C12orf42: variants seen among roughly 807,000 people sequenced by gnomAD.
C12orf42 encodes the protein uncharacterized protein C12orf42.
In C12orf42, 25 loss-of-function variants were observed where a neutral mutation model predicts 21.6. That is an observed-to-expected ratio of 1.16 (90% CI 0.84 to 1.62). The LOEUF (loss-of-function observed/expected upper bound fraction) is 1.62. Ranked by LOEUF, C12orf42 falls within the 40% of genes most tolerant of loss-of-function variation. The pLI is 0.00. For missense variants in C12orf42, 483 were observed against 459.3 expected (o/e 1.05, Z -0.47); for synonymous variants, 174 against 175.0 (o/e 0.99, Z 0.05).
intron 4 of C12orf42, among the ~76,000 whole-genome samples, chr12:103,361,463 A>C (rs1409987447): frequency 6.6e-6 from 1 of 152,058 alleles, no homozygotes; most frequent in African/African-American, 2.4e-5. Flanking sequence ...AAAAGACCAC[A>C]GGGAGAAGGA....
the C12orf42 span, chr12:103,505,575 G>A: frequency 2.9e-6 from 1 of 342,970 alleles, no homozygotes; most frequent in Non-Finnish European, 5.4e-6. Flanking sequence ...TGAGTCACTG[G>A]GACATGGTGG....
chr12:103,182,098 G>T, the C12orf42 span, among the ~76,000 whole-genome samples: 2 of 148,522 alleles, frequency 1.3e-5, no homozygotes. Flanking sequence ...TGGACACTGA[G>T]AATTACACGG....
the C12orf42 span, among the ~76,000 whole-genome samples, chr12:103,516,852 G>A: frequency 6.6e-6 from 1 of 152,144 alleles, no homozygotes; most frequent in Non-Finnish European, 1.5e-5. Flanking sequence ...ATAGTTATTG[G>A]TATCACACAA....
rs189048038 is a variant in C12orf42, at chr12:103,433,531, G to T, written c.79-31856C>A. ...CTAACAATTGTACCAGTATCTAATT[G>T]AATCTGTAGATCTAACTACCCATTT... On this transcript the variant is annotated intron_variant, in intron 2 of 5. Coordinates refer to ENST00000548883, the MANE Select transcript of C12orf42 (RefSeq NM_198521.5). Among the ~76,000 whole-genome samples, 94 of 152,244 alleles carry T rather than the reference G, an allele frequency of 6.2e-4. 2 individuals are homozygous for T. Among genetic ancestry groups the T allele is most frequent in the Admixed American group, 6.1e-3 (93 of 15,294 alleles).
rs9705892 is a variant in C12orf42 at position 103,312,608 on chromosome 12, C to T, written c.260-6263G>A. ...CTTCCTCAGGCTACTGAGGCAAGGGCACAACTTTTCCCAACTACTGATACA... is the reference window on the plus strand; with the variant it reads ...CTTCCTCAGGCTACTGAGGCAAGGGTACAACTTTTCCCAACTACTGATACA... On this transcript the variant is annotated intron_variant, in intron 4 of 5. Coordinates refer to ENST00000548883, the MANE Select transcript of C12orf42 (RefSeq NM_198521.5). Among the ~76,000 whole-genome samples, 183 of 152,292 alleles carry T rather than the reference C, an allele frequency of 1.2e-3. 1 individual carries two copies. The highest frequency in any genetic ancestry group is 4.3e-3 in the African/African-American group (178 of 41,544).
At chr12:103,110,571 G>C in the C12orf42 span, among the ~76,000 whole-genome samples, 1 of 152,104 alleles carries the variant, frequency 6.6e-6, no homozygotes, top group Non-Finnish European at 1.5e-5. Context: ...AGTTTGATAT[G>C]TTACTTTCTG....
chr12:103,294,754 G>T (rs1358508929), intron 4 of C12orf42, among the ~76,000 whole-genome samples: 1 of 152,166 alleles, frequency 6.6e-6, no homozygotes, highest in East Asian at 1.9e-4. Flanking sequence ...TACACCTTAA[G>T]AATTCTGCAG....
intron 2 of C12orf42, among the ~76,000 whole-genome samples, chr12:103,417,771 G>T (rs181708414): frequency 1.4e-3 from 217 of 152,316 alleles, no homozygotes; most frequent in African/African-American, 4.8e-3. Context: ...ATGCAGAAAT[G>T]GATAGGATAA....
At chr12:103,107,935 G>A in the C12orf42 span, among the ~76,000 whole-genome samples, 2 of 151,210 alleles carry the variant, frequency 1.3e-5, no homozygotes, top group East Asian at 1.9e-4. Flanking sequence ...AGTATTAAGT[G>A]ATATTTTAAA....
Position 103,385,594 on chromosome 12 carries a change from G to A in C12orf42, c.147+16013C>T, listed in dbSNP as rs57236192. Among the ~76,000 whole-genome samples, 1,314 of 152,116 alleles carry A rather than the reference G, an allele frequency of 8.6e-3. 20 individuals carry two copies. The highest frequency in any genetic ancestry group is 0.03 in the African/African-American group (1,240 of 41,500). On this transcript the variant is annotated intron_variant, in intron 3 of 5. Transcript: ENST00000548883. Reference sequence around the variant, plus strand: ...CATATAATAATAATGTTTTTAAATGGTAATAAATTGCAATGATATTCTCTT... The same window carrying A: ...CATATAATAATAATGTTTTTAAATGATAATAAATTGCAATGATATTCTCTT...
At chr12:103,086,069 T>A in the C12orf42 span, among the ~76,000 whole-genome samples, 1 of 152,168 alleles carries the variant, frequency 6.6e-6, no homozygotes, top group Non-Finnish European at 1.5e-5. Context: ...TCACTCCTTC[T>A]CCCACATTCA....
At chr12:103,452,972 A>G (rs1952048356) in intron 2 of C12orf42, among the ~76,000 whole-genome samples, 1 of 151,992 alleles carries the variant, frequency 6.6e-6, no homozygotes, top group African/African-American at 2.4e-5. Context: ...ACATGTATAC[A>G]TATGTAACAA....
the C12orf42 span, among the ~76,000 whole-genome samples, chr12:103,525,460 G>A: frequency 6.6e-6 from 1 of 152,120 alleles, no homozygotes; most frequent in Non-Finnish European, 1.5e-5. Context: ...GTTATTTGTG[G>A]ATGATGTGAT....
At chr12:103,463,081 G>A (rs1017349213) in intron 2 of C12orf42, among the ~76,000 whole-genome samples, 2 of 152,144 alleles carry the variant, frequency 1.3e-5, no homozygotes, top group East Asian at 1.9e-4. Flanking sequence ...TAATGGGATC[G>A]CTCTTAAAAT....
the C12orf42 span, among the ~76,000 whole-genome samples, chr12:103,526,949 T>G: frequency 6.6e-6 from 1 of 152,164 alleles, no homozygotes; most frequent in African/African-American, 2.4e-5. Flanking sequence ...AACCAAAACT[T>G]GTGCTTTCTT....
the C12orf42 span, among the ~76,000 whole-genome samples, chr12:103,212,978 T>TAA: frequency 1.3e-5 from 2 of 152,014 alleles, no homozygotes; most frequent in African/African-American, 4.8e-5. Context: ...TATATATATA[T>TAA]AATTAAGACA....
At chr12:103,540,256 G>A in the C12orf42 span, among the ~76,000 whole-genome samples, 2 of 152,058 alleles carry the variant, frequency 1.3e-5, no homozygotes, top group South Asian at 2.1e-4. Context: ...TCTGCCTGCC[G>A]CAGCCTCCCA....
intron 2 of C12orf42, among the ~76,000 whole-genome samples, chr12:103,429,349 T>A (rs1950093095): frequency 6.6e-6 from 1 of 152,178 alleles, no homozygotes; most frequent in South Asian, 2.1e-4. Flanking sequence ...AGCCAAATCA[T>A]GAGTGAACTC....
the C12orf42 span, among the ~76,000 whole-genome samples, chr12:103,180,615 C>CTTTTTTTTTTTTTTTT: frequency 4.8e-5 from 3 of 61,964 alleles, no homozygotes; most frequent in African/African-American, 1.5e-4. Flanking sequence ...AAATAATTTC[C>CTTTTTTTTTTTTTTTT]TTTTTTTTTT....
Sources: allele counts gnomAD v4.1 joint callset (sites outside exome capture counted in the v4.1 genomes callset), GRCh38; gene constraint gnomAD v4.1.1; transcripts MANE v1.5; gene names NCBI Gene and HGNC (gene_info 2026-07-23, HGNC 2026-07-21).